The following GPR39 variants were observed in gnomAD, a reference collection of about 807,000 sequenced individuals.
GPR39 encodes G protein-coupled receptor 39.
A neutral mutation model predicts 18.4 loss-of-function variants in GPR39; 23 were observed. The observed-to-expected ratio is 1.25, with a 90% CI of 0.90 to 1.77. GPR39 has a LOEUF of 1.77. GPR39 is among the 40% of genes most tolerant of loss of function. The pLI is 0.00. For synonymous variants in GPR39, 280 were observed against 257.9 expected (o/e 1.09, Z -0.82); for missense variants, 647 against 602.4 (o/e 1.07, Z -0.78).
At position 132,645,920 on chromosome 2, in the gene GPR39, G is replaced by GAAC. The variant is rs1427511184; in HGVS notation, c.*316_*318dup. On this transcript the variant is annotated 3_prime_UTR_variant, in exon 2 of 2. Coordinates refer to ENST00000329321, the MANE Select transcript of GPR39 (RefSeq NM_001508.3). ...TCATTATTTGCACAGGAACAAAAGA[G>GAAC]AACACGGACTCCCGCTCCCTACCCA... is the stretch of plus-strand genomic sequence containing the variant. The GAAC allele has an allele frequency of 1.4e-6, 1 of 721,702 alleles. No individual in the cohort carries two copies. Among genetic ancestry groups the GAAC allele is most frequent in the African/African-American group, 1.8e-5 (1 of 55,512 alleles). The allele number at this position is 721,702 out of a possible 1,614,324, so 44.7% of individuals were successfully genotyped here.
intron 1 of GPR39, among the ~76,000 whole-genome samples, chr2:132,618,230 A>T (rs1249941863): frequency 6.6e-6 from 1 of 152,166 alleles, no homozygotes; most frequent in African/African-American, 2.4e-5. Flanking sequence ...GACAAAGGTC[A>T]CTCCAACATT....
chr2:132,454,924 A>T (rs907285052), intron 1 of GPR39, among the ~76,000 whole-genome samples: 1 of 152,068 alleles, frequency 6.6e-6, no homozygotes, highest in Non-Finnish European at 1.5e-5. Flanking sequence ...TTCATCAGGG[A>T]TATTGGTCTA....
chr2:132,528,955 G>A (rs1211765574), intron 1 of GPR39, among the ~76,000 whole-genome samples: 2 of 152,140 alleles, frequency 1.3e-5, no homozygotes, highest in African/African-American at 4.8e-5. Flanking sequence ...GCAGAAGACA[G>A]GTGATTTCTG....
chr2:132,474,915 C>CT (rs1681098365), intron 1 of GPR39, among the ~76,000 whole-genome samples: 1 of 152,150 alleles, frequency 6.6e-6, no homozygotes, highest in South Asian at 2.1e-4. Flanking sequence ...AGGAAGTGCC[C>CT]TTTGAGTCCT....
At chr2:132,493,065 T>C (rs375470619) in intron 1 of GPR39, among the ~76,000 whole-genome samples, 1,111 of 17,570 alleles carry the variant, frequency 0.063, 21 homozygotes, top group African/African-American at 0.089. Flanking sequence ...ATATACACCA[T>C]ATATATACCA....
chr2:132,433,526 T>A (rs140474560), intron 1 of GPR39, among the ~76,000 whole-genome samples: 1 of 151,934 alleles, frequency 6.6e-6, no homozygotes, highest in African/African-American at 2.4e-5. Context: ...ATGGGACTCA[T>A]ACAAAGTGCC....
intron 1 of GPR39, among the ~76,000 whole-genome samples, chr2:132,628,354 A>G (rs962718913): frequency 1.3e-5 from 2 of 152,120 alleles, no homozygotes; most frequent in Admixed American, 6.5e-5. Flanking sequence ...CTCAGCTCAG[A>G]ATGCCCACAG....
intron 1 of GPR39, among the ~76,000 whole-genome samples, chr2:132,496,701 G>A (rs990523193): frequency 1.3e-5 from 2 of 152,156 alleles, no homozygotes; most frequent in Admixed American, 6.5e-5. Flanking sequence ...CAAATTCATT[G>A]TGAGTTGTCA....
chr2:132,508,505 T>G (rs1199688340), intron 1 of GPR39, among the ~76,000 whole-genome samples: 1 of 151,816 alleles, frequency 6.6e-6, no homozygotes, highest in East Asian at 2.0e-4. Flanking sequence ...CTCAGAAGTT[T>G]CCTAACAAGA....
chr2:132,417,634 C>T lies in GPR39; in HGVS notation c.592C>T (p.His198Tyr). The change falls in exon 1 of 2, where the codon CAC becomes TAC. Residue 198 changes from histidine (H) to tyrosine (Y), a missense_variant. By Grantham distance (83) the His-to-Tyr change is moderately conservative. Around this residue, in one of 3 missense-constraint regions of GPR39, gnomAD observed 581 missense variants for 506.8 expected, o/e 1.15. Coordinates refer to ENST00000329321, the MANE Select transcript of GPR39 (RefSeq NM_001508.3). ...CACTTGCAACCGCTCCAGCACCCGCCACCACGAGCAGCCCGAGACCTCCAA... is the reference window on the plus strand; with the variant it reads ...CACTTGCAACCGCTCCAGCACCCGCTACCACGAGCAGCCCGAGACCTCCAA... ...GLTCNRSSTR[H>Y]HEQPETSNMS... The T allele has an allele frequency of 6.2e-7, 1 of 1,614,100 alleles. No homozygotes were observed. The highest frequency in any genetic ancestry group is 1.1e-5 in the South Asian group (1 of 91,072).
chr2:132,517,309 G>A (rs1201801573), intron 1 of GPR39, among the ~76,000 whole-genome samples: 1 of 152,078 alleles, frequency 6.6e-6, no homozygotes, highest in African/African-American at 2.4e-5. Flanking sequence ...AGGTTAGTTG[G>A]GGGAAGGAAA....
rs185559087 is a variant in GPR39 at position 132,535,244 on chromosome 2, T to C, written c.857-109857T>C. On this transcript the variant is annotated intron_variant, in intron 1 of 1. Coordinates refer to ENST00000329321, the MANE Select transcript of GPR39 (RefSeq NM_001508.3). Reference sequence around the variant, plus strand: ...ATTATTTTGAGATATGTTCCATCAATACCTAGTTTGTTGAGAGTTTTTAAC... The same window carrying C: ...ATTATTTTGAGATATGTTCCATCAACACCTAGTTTGTTGAGAGTTTTTAAC... 2.0e-5 allele frequency among the ~76,000 whole-genome samples: 3 copies of C among 152,336 alleles called. No homozygotes were observed. In the East Asian group the frequency reaches 5.8e-4, roughly 29 times the overall value.
At chr2:132,475,732 G>A (rs1406134057) in intron 1 of GPR39, among the ~76,000 whole-genome samples, 1 of 152,194 alleles carries the variant, frequency 6.6e-6, no homozygotes, top group African/African-American at 2.4e-5. Context: ...TGGCCCTGAA[G>A]CTGCAGGAGA....
intron 1 of GPR39, among the ~76,000 whole-genome samples, chr2:132,556,770 T>C (rs1680159469): frequency 6.6e-6 from 1 of 152,168 alleles, no homozygotes; most frequent in Non-Finnish European, 1.5e-5. Context: ...GCTCCAGGCC[T>C]TCTGTCCTAA....
chr2:132,583,421 C>T (rs1573680880), intron 1 of GPR39, among the ~76,000 whole-genome samples: 1 of 95,268 alleles, frequency 1.0e-5, no homozygotes, highest in South Asian at 3.2e-4. Context: ...CACATTTAAT[C>T]TAACTTAAAA....
At chr2:132,548,404 A>G (rs955478452) in intron 1 of GPR39, among the ~76,000 whole-genome samples, 10 of 152,346 alleles carry the variant, frequency 6.6e-5, no homozygotes, top group Middle Eastern at 6.8e-3. Flanking sequence ...TCCCAGCACT[A>G]ATTGGCTGTA....
intron 1 of GPR39, among the ~76,000 whole-genome samples, chr2:132,468,609 A>G (rs1441991253): frequency 1.3e-5 from 2 of 152,214 alleles, no homozygotes; most frequent in African/African-American, 4.8e-5. Flanking sequence ...TGGGCCCTAT[A>G]CTTTGGGTCA....
At chr2:132,512,681 A>G (rs188255224) in intron 1 of GPR39, among the ~76,000 whole-genome samples, 1 of 152,214 alleles carries the variant, frequency 6.6e-6, no homozygotes, top group South Asian at 2.1e-4. Context: ...TGAAGATTGA[A>G]TAAGAATAAA....
intron 1 of GPR39, chr2:132,604,344 C>A: frequency 6.6e-6 from 1 of 152,204 alleles, no homozygotes; most frequent in East Asian, 1.9e-4. Flanking sequence ...GCTCTGAGAA[C>A]TGCCTATCAG....
Sources: gnomAD v4.1 joint callset for allele counts (sites outside exome capture counted in the v4.1 genomes callset) on GRCh38, gnomAD v4.1.1 for gene constraint, gnomAD v4.1.1 regional missense constraint, MANE v1.5 for transcripts, NCBI Gene and HGNC (gene_info 2026-07-23, HGNC 2026-07-21) for gene names.